HECTD4: variants seen among roughly 807,000 people sequenced by gnomAD.
HECTD4 encodes probable E3 ubiquitin-protein ligase HECTD4.
In HECTD4, 114 loss-of-function variants were observed where a neutral mutation model predicts 471.5. That is an observed-to-expected ratio of 0.24 (90% CI 0.21 to 0.28). The LOEUF is 0.28. HECTD4 is among the 10% of genes least tolerant of loss of function. HECTD4 has a pLI of 1.00. For synonymous variants in HECTD4, 2,012 were observed against 2,256.0 expected (o/e 0.89, Z 3.07); for missense variants, 3,866 against 5,651.5 (o/e 0.68, Z 10.13).
chr12:112,207,758 C>T (rs370037384), intron 52 of HECTD4, 116 bp downstream of exon 52: 2 of 1,164,970 alleles, frequency 1.7e-6, no homozygotes, highest in Non-Finnish European at 2.4e-6. Context: ...GTCAAAGACA[C>T]TGTTAAGTAT....
At chr12:112,295,812 T>C (rs558443873) in intron 7 of HECTD4, among the ~76,000 whole-genome samples, 7 of 142,034 alleles carry the variant, frequency 4.9e-5, no homozygotes, top group African/African-American at 1.9e-4. Flanking sequence ...AAAAAAAAAA[T>C]ATATATATAT....
intron 34 of HECTD4, among the ~76,000 whole-genome samples, chr12:112,238,545 T>A (rs1388260197): frequency 6.6e-6 from 1 of 152,090 alleles, no homozygotes; most frequent in Non-Finnish European, 1.5e-5. Flanking sequence ...CATAGTAAGA[T>A]CCTGTCTCTA....
At position 112,202,065 on chromosome 12, in the gene HECTD4, C is replaced by T. The variant is rs370243104; in HGVS notation, c.8407-1267G>A. Reference sequence around the variant, plus strand: ...TCTTACAATCAGAGTCAGAAGTTTGCATCAGAAGGCAGTGGGAGATTAACA... The same window carrying T: ...TCTTACAATCAGAGTCAGAAGTTTGTATCAGAAGGCAGTGGGAGATTAACA... On this transcript the variant is annotated intron_variant, in intron 54 of 75. Transcript: ENST00000682272. Among the ~76,000 whole-genome samples the T allele has an allele frequency of 3.9e-5, 6 of 152,264 alleles. No individual in the cohort carries two copies. In the East Asian group the frequency reaches 5.8e-4, roughly 15 times the overall value.
chr12:112,348,116 T>TA (rs1396591907), intron 1 of HECTD4, among the ~76,000 whole-genome samples: 31 of 152,286 alleles, frequency 2.0e-4, no homozygotes, highest in African/African-American at 7.0e-4. Context: ...TGGAAAAACT[T>TA]AAAAAATTTT....
chr12:112,263,941 T>C (rs768918677), intron 17 of HECTD4, 143 bp downstream of exon 17: 2 of 673,748 alleles, frequency 3.0e-6, no homozygotes, highest in African/African-American at 1.9e-5. Context: ...AAAAAATCTA[T>C]GGAATGAGTG....
chr12:112,234,439 G>A (rs892760126), intron 37 of HECTD4, among the ~76,000 whole-genome samples: 3 of 152,118 alleles, frequency 2.0e-5, no homozygotes, highest in Admixed American at 6.5e-5. Flanking sequence ...TGACAACATC[G>A]TCAGATCATT....
rs767646684 is a variant in HECTD4 at position 112,176,595 on chromosome 12, CCTT to C, written c.11468_11470del (p.Glu3823del). The C allele has an allele frequency of 7.5e-6, 12 of 1,608,922 alleles. No individual in the cohort carries two copies. In the African/African-American group the frequency reaches 1.2e-4, roughly 16 times the overall value. Reference sequence around the variant, plus strand: ...ACTCCAGGCCCCGTCTGCTCATTCACCTTCTTGTTTTTTGGTAGGTGACTTTTC... The same window carrying C: ...ACTCCAGGCCCCGTCTGCTCATTCACCTTGTTTTTTGGTAGGTGACTTTTC... On this transcript the variant is annotated inframe_deletion and splice_region_variant, in exon 65 of 76. Coordinates refer to ENST00000682272, the MANE Select transcript of HECTD4 (RefSeq NM_001388303.1).
intron 22 of HECTD4, 96 bp from the exon 23 acceptor site, chr12:112,252,624 C>A: frequency 7.3e-7 from 1 of 1,361,548 alleles, no homozygotes; most frequent in East Asian, 2.4e-5. Flanking sequence ...TCAAAAAGGA[C>A]CACAGCAATA....
chr12:112,252,933 C>T (rs1469411039), intron 22 of HECTD4, among the ~76,000 whole-genome samples: 1 of 152,144 alleles, frequency 6.6e-6, no homozygotes, highest in East Asian at 1.9e-4. Context: ...CTTCAGCCTC[C>T]TGAATAGCTG....
intron 7 of HECTD4, among the ~76,000 whole-genome samples, chr12:112,305,261 A>G (rs1198094785): frequency 6.6e-6 from 1 of 152,154 alleles, no homozygotes; most frequent in African/African-American, 2.4e-5. Context: ...GCCACTGTGC[A>G]AGACGGTGTG....
chr12:112,202,805 G>A (rs146095750), intron 54 of HECTD4, among the ~76,000 whole-genome samples: 4 of 152,226 alleles, frequency 2.6e-5, no homozygotes, highest in East Asian at 1.9e-4. Context: ...CCCCCTTCCC[G>A]AAAAGTCCTA....
chr12:112,294,632 C>A (rs2034964460), intron 7 of HECTD4, among the ~76,000 whole-genome samples: 1 of 152,108 alleles, frequency 6.6e-6, no homozygotes, highest in East Asian at 1.9e-4. Flanking sequence ...TCCTCCCTAC[C>A]TTACCCTCAA....
chr12:112,236,384 G>T (rs2033503416), intron 35 of HECTD4, among the ~76,000 whole-genome samples: 1 of 152,182 alleles, frequency 6.6e-6, no homozygotes, highest in Non-Finnish European at 1.5e-5. Context: ...TTCTTAATGA[G>T]TACCTCAAGA....
At chr12:112,369,721 C>T (rs942613342) in intron 1 of HECTD4, among the ~76,000 whole-genome samples, 9 of 151,960 alleles carry the variant, frequency 5.9e-5, no homozygotes, top group Non-Finnish European at 1.0e-4. Flanking sequence ...ACACTAATAC[C>T]GGGACTATAA....
intron 29 of HECTD4, among the ~76,000 whole-genome samples, chr12:112,244,559 C>T (rs766131570): frequency 6.6e-6 from 1 of 152,178 alleles, no homozygotes; most frequent in African/African-American, 2.4e-5. Flanking sequence ...TTAGTAGAGA[C>T]GGGGTTTCGC....
At position 112,173,239 on chromosome 12, in the gene HECTD4, G is replaced by A. The variant is rs2031300430; in HGVS notation, c.11595-378C>T. ...AAAATCTTGCTCTGTTGCCTGGGCT[G>A]GAGTGCAGTGGGGCAATCATAGCTC... is the stretch of plus-strand genomic sequence containing the variant. On this transcript the variant is annotated intron_variant, in intron 66 of 75. Coordinates refer to ENST00000682272, the MANE Select transcript of HECTD4 (RefSeq NM_001388303.1). The surrounding 1 kb of genome is among the most constrained non-coding windows in gnomAD (Gnocchi z 4.3). Among the ~76,000 whole-genome samples the A allele has an allele frequency of 6.6e-6, 1 of 152,126 alleles. No homozygotes were observed.
chr12:112,181,563 A>G (rs2031668891), intron 62 of HECTD4, among the ~76,000 whole-genome samples: 1 of 152,140 alleles, frequency 6.6e-6, no homozygotes, highest in African/African-American at 2.4e-5. Flanking sequence ...CCTGGGCTCA[A>G]GTGATCTTCC....
chr12:112,248,637 G>C (rs1333579055), intron 25 of HECTD4, 125 bp from the exon 26 acceptor site: 2 of 590,246 alleles, frequency 3.4e-6, no homozygotes, highest in Non-Finnish European at 5.5e-6. Flanking sequence ...CTGCAGTTCA[G>C]TGGAGCAATC....
chr12:112,295,367 ATT>A (rs397971787), intron 7 of HECTD4, among the ~76,000 whole-genome samples: 7 of 143,816 alleles, frequency 4.9e-5, no homozygotes, highest in Non-Finnish European at 3.1e-5. Context: ...TGGTAAGGTG[ATT>A]TTTTTTTTTT....
Sources: gnomAD v4.1 joint callset for allele counts (sites outside exome capture counted in the v4.1 genomes callset) on GRCh38, gnomAD v4.1.1 for gene constraint, Gnocchi (gnomAD v3.1) non-coding constraint, MANE v1.5 for transcripts, NCBI Gene and HGNC (gene_info 2026-07-23, HGNC 2026-07-21) for gene names.